The following FOXK2 variants were observed in gnomAD, a reference collection of about 807,000 sequenced individuals.
FOXK2 encodes the protein forkhead box protein K2.
FOXK2 carries 24 observed loss-of-function variants against 53.3 expected under a neutral mutation model. The observed-to-expected ratio is 0.45, with a 90% CI of 0.33 to 0.63. FOXK2 has a LOEUF of 0.63. FOXK2 is among the 30% of genes least tolerant of loss of function. The probability of loss-of-function intolerance (pLI) is 0.03; values close to 1 mark genes in which losing one functional copy is unlikely to be tolerated. For missense variants in FOXK2, 952 were observed against 910.5 expected, an observed-to-expected ratio of 1.05 and a Z score of -0.59; for synonymous variants, 505 against 407.1, an observed-to-expected ratio of 1.24 and a Z score of -2.89.
intron 5 of FOXK2, among the ~76,000 whole-genome samples, chr17:82,583,419 C>T (rs374474679): frequency 2.0e-5 from 3 of 152,298 alleles, no homozygotes; most frequent in East Asian, 1.9e-4. Flanking sequence ...CGGTGGCGCG[C>T]GCCTGTAATC....
rs773465358 is a variant in FOXK2, at chr17:82,568,137, A to G, written c.698A>G (p.Asn233Ser). 3 of 1,613,848 alleles carry G rather than the reference A, an allele frequency of 1.9e-6. No homozygotes were observed. Among genetic ancestry groups the G allele is most frequent in the Admixed American group, 3.3e-5 (2 of 60,002 alleles). Residue 233 changes from asparagine to serine, a missense_variant, in exon 3 of 9, where the codon AAT (asparagine) becomes AGT (serine). Transcript: ENST00000335255. ...KVGRVMPSDL[N>S]LMADNSQPEN... ...GGCCGAGTGATGCCATCTGACCTCA[A>G]TTTAATGGCTGACAACTCACAGCCT... is the stretch of plus-strand genomic sequence containing the variant.
chr17:82,536,935 A>C (rs1200413597), intron 1 of FOXK2, among the ~76,000 whole-genome samples: 1 of 152,234 alleles, frequency 6.6e-6, no homozygotes, highest in African/African-American at 2.4e-5. Flanking sequence ...ACAGAAGAGG[A>C]GTGCCTTGTG....
At chr17:82,530,463 AAAAGAG>A (rs950892949) in intron 1 of FOXK2, among the ~76,000 whole-genome samples, 6 of 144,466 alleles carry the variant, frequency 4.2e-5, no homozygotes, top group African/African-American at 1.5e-4. Context: ...AAAAAAAAAA[AAAAGAG>A]AGAGAAAACC....
chr17:82,591,894 A>G (rs1355461066), intron 8 of FOXK2, among the ~76,000 whole-genome samples: 2 of 152,216 alleles, frequency 1.3e-5, no homozygotes, highest in East Asian at 1.9e-4. Flanking sequence ...GTTTTTGTCA[A>G]TGACTTCATC....
chr17:82,544,246 A>G (rs1258140528), intron 1 of FOXK2, among the ~76,000 whole-genome samples: 4 of 152,270 alleles, frequency 2.6e-5, no homozygotes, highest in Non-Finnish European at 4.4e-5. Flanking sequence ...TGGCTTTTAC[A>G]TTTTATGCCA....
intron 1 of FOXK2, among the ~76,000 whole-genome samples, chr17:82,553,511 A>G (rs1191851368): frequency 1.3e-5 from 2 of 152,222 alleles, no homozygotes; most frequent in African/African-American, 4.8e-5. Context: ...GACCTGCTTG[A>G]ATGGCAGGGG....
intron 1 of FOXK2, among the ~76,000 whole-genome samples, chr17:82,528,616 G>T (rs3803773): frequency 6.6e-6 from 1 of 152,032 alleles, no homozygotes; most frequent in East Asian, 1.9e-4. Flanking sequence ...CTTTGAGCAC[G>T]GAACAAGGTG....
chr17:82,587,109 T>C lies in FOXK2; in HGVS notation c.1623T>C (p.Thr541=). The C allele has an allele frequency of 1.2e-6, 2 of 1,601,786 alleles. No homozygotes were observed. Among genetic ancestry groups the C allele is most frequent in the Non-Finnish European group, 1.7e-6 (2 of 1,173,260 alleles). The change falls in exon 8 of 9, where the codon ACT becomes ACC. Residue 541 remains threonine (T), a synonymous_variant. Transcript: ENST00000335255. ...IPAIGHATLG[T]ASRIIQTAQT... Reference sequence around the variant, plus strand: ...CCATTGGCCACGCCACGCTCGGCACTGCCAGCCGGATCATTCAGACGGCAC... The same window carrying C: ...CCATTGGCCACGCCACGCTCGGCACCGCCAGCCGGATCATTCAGACGGCAC...
At chr17:82,545,107 T>A (rs1295687436) in intron 1 of FOXK2, among the ~76,000 whole-genome samples, 1 of 152,188 alleles carries the variant, frequency 6.6e-6, no homozygotes, top group Non-Finnish European at 1.5e-5. Flanking sequence ...GTTTCTTAGT[T>A]GGTCTCCATT....
intron 1 of FOXK2, among the ~76,000 whole-genome samples, chr17:82,538,505 T>C (rs748992126): frequency 1.3e-5 from 2 of 152,166 alleles, no homozygotes; most frequent in Non-Finnish European, 2.9e-5. Context: ...AACATTAAGC[T>C]CATTTTGTCA....
At chr17:82,561,823 C>T (rs755732249) in intron 1 of FOXK2, among the ~76,000 whole-genome samples, 15 of 151,784 alleles carry the variant, frequency 9.9e-5, no homozygotes, top group African/African-American at 1.7e-4. Flanking sequence ...GTGCCTGAAG[C>T]GGGAGGGCCA....
intron 1 of FOXK2, among the ~76,000 whole-genome samples, chr17:82,535,051 T>C (rs570232409): frequency 1.3e-5 from 2 of 152,300 alleles, no homozygotes; most frequent in South Asian, 4.1e-4. Context: ...GGCTGATTTT[T>C]GTATTTTTTG....
chr17:82,584,789 T>C (rs560618314), intron 6 of FOXK2, among the ~76,000 whole-genome samples: 2 of 152,286 alleles, frequency 1.3e-5, no homozygotes, highest in African/African-American at 4.8e-5. Context: ...CGTGACCTCA[T>C]GATCCACCTG....
chr17:82,600,966 C>T (rs965493999), intron 8 of FOXK2: 12 of 210,744 alleles, frequency 5.7e-5, no homozygotes, highest in Middle Eastern at 3.8e-3. Flanking sequence ...AGCCTTTCTC[C>T]CCCAGCAGTG....
At chr17:82,541,883 ATT>A (rs557786535) in intron 1 of FOXK2, among the ~76,000 whole-genome samples, 7 of 141,484 alleles carry the variant, frequency 4.9e-5, no homozygotes, top group Admixed American at 1.4e-4. Flanking sequence ...AGCTAATTAA[ATT>A]TTTTTTTTTT....
chr17:82,558,821 A>G (rs2044760176), intron 1 of FOXK2, among the ~76,000 whole-genome samples: 1 of 151,574 alleles, frequency 6.6e-6, no homozygotes, highest in Non-Finnish European at 1.5e-5. Context: ...ATCTCGGCTC[A>G]CTGCAAGCTC....
intron 1 of FOXK2, among the ~76,000 whole-genome samples, chr17:82,524,209 A>G (rs528363501): frequency 1.3e-5 from 2 of 152,348 alleles, no homozygotes; most frequent in Middle Eastern, 3.4e-3. Flanking sequence ...AATATTATTA[A>G]TGCTTATTTC....
chr17:82,595,827 G>A, intron 8 of FOXK2: 1 of 1,289,674 alleles, frequency 7.8e-7, no homozygotes, highest in Non-Finnish European at 1.0e-6. Context: ...TCAGACTGGA[G>A]TTGCCTCAGT....
chr17:82,524,100 G>A lies in FOXK2; in HGVS notation c.419+3793G>A, dbSNP rs145892448. 9.8e-3 allele frequency among the ~76,000 whole-genome samples: 1,486 copies of A among 152,094 alleles called. 23 individuals are homozygous for A. Among genetic ancestry groups the A allele is most frequent in the African/African-American group, 0.033 (1,384 of 41,476 alleles). Reference sequence around the variant, plus strand: ...AACAGAGTTTCACCATGTTGGCCAGGCTGGTCTCAAACTCCTGAACTCAGG... The same window carrying A: ...AACAGAGTTTCACCATGTTGGCCAGACTGGTCTCAAACTCCTGAACTCAGG... On this transcript the variant is annotated intron_variant, in intron 1 of 8. Transcript: ENST00000335255.
Sources: allele counts gnomAD v4.1 joint callset (sites outside exome capture counted in the v4.1 genomes callset), GRCh38; gene constraint gnomAD v4.1.1; transcripts MANE v1.5; gene names NCBI Gene and HGNC (gene_info 2026-07-23, HGNC 2026-07-21).